Variants in CCDC66 observed in about 807,000 individuals in gnomAD.
CCDC66 encodes the protein coiled-coil domain-containing protein 66.
In CCDC66, 133 loss-of-function variants were observed where a neutral mutation model predicts 128.3. The ratio of observed to expected loss-of-function variants is 1.04; its 90% CI spans 0.90 to 1.20. The LOEUF is 1.20. Ranked by LOEUF, CCDC66 falls within the 50% of genes most tolerant of loss-of-function variation. The pLI is 0.00. For synonymous variants in CCDC66, 387 were observed against 357.0 expected (o/e 1.08, Z -0.95); for missense variants, 1,126 against 1,075.5 (o/e 1.05, Z -0.66).
intron 7 of CCDC66, 74 bp downstream of exon 7, chr3:56,571,376 TAAA>T (rs34099535): frequency 7.1e-6 from 6 of 843,496 alleles, no homozygotes; most frequent in Non-Finnish European, 1.7e-6. Flanking sequence ...TAAAGCTTAT[TAAA>T]AAAAAAAAGT....
At chr3:56,589,899 C>T (rs1320364059) in intron 7 of CCDC66, among the ~76,000 whole-genome samples, 1 of 151,980 alleles carries the variant, frequency 6.6e-6, no homozygotes, top group African/African-American at 2.4e-5. Context: ...ACATGAGAAA[C>T]GGATTTTTAG....
chr3:56,561,885 CT>C (rs758324894), intron 3 of CCDC66, among the ~76,000 whole-genome samples: 3 of 151,270 alleles, frequency 2.0e-5, no homozygotes, highest in Non-Finnish European at 4.4e-5. Flanking sequence ...CTACAGGTCT[CT>C]TTTTTTTTCC....
chr3:56,617,504 AAT>A lies in CCDC66; in HGVS notation c.2237_2238del (p.Asn746ThrfsTer75). 6.2e-7 allele frequency: 1 copy of A among 1,614,006 alleles called. No individual in the cohort carries two copies. The highest frequency in any genetic ancestry group is 2.2e-5 in the East Asian group (1 of 44,850). The part of the protein sequence containing the change: ...MELLHLVEKN[N>X]PGHLSQNRGI... ...ATTGCTTCATTTGGTAGAAAAAAAT[AAT>A]CCTGGGCACCTCTCTCAAAACAGAG... On this transcript the variant is annotated frameshift_variant, in exon 14 of 18. Coordinates refer to ENST00000394672, the MANE Select transcript of CCDC66 (RefSeq NM_001141947.3). LOFTEE classifies it high-confidence loss of function.
intron 10 of CCDC66, among the ~76,000 whole-genome samples, chr3:56,599,466 CT>C (rs1371913755): frequency 6.6e-6 from 1 of 151,784 alleles, no homozygotes; most frequent in African/African-American, 2.4e-5. Flanking sequence ...TTTCTAGTTC[CT>C]TTTAGGTACA....
At chr3:56,612,068 A>G (rs1040931583) in intron 10 of CCDC66, among the ~76,000 whole-genome samples, 4 of 152,182 alleles carry the variant, frequency 2.6e-5, no homozygotes, top group South Asian at 2.1e-4. Context: ...TGGAGCTGCA[A>G]TCTAGTCCTG....
At position 56,620,919 on chromosome 3, in the gene CCDC66, G is replaced by GAGGC. The variant is rs549571681; in HGVS notation, c.2761-606_2761-603dup. 809 of 152,766 alleles carry GAGGC rather than the reference G, an allele frequency of 5.3e-3. 11 individuals are homozygous for GAGGC. The highest frequency in any genetic ancestry group is 0.019 in the African/African-American group (779 of 41,554). The allele number at this position is 152,766 out of a possible 1,614,324, so 9.5% of individuals were successfully genotyped here. A position where few individuals can be genotyped will look rare whatever the true frequency, so the allele number is the denominator to read the frequency against. Reference sequence around the variant, plus strand: ...TGTAATCCCAGCACTTTGGGAGGCTGAGGCAGGCAGATCATGAGGTCAGGA... The same window carrying GAGGC: ...TGTAATCCCAGCACTTTGGGAGGCTGAGGCAGGCAGGCAGATCATGAGGTCAGGA... On this transcript the variant is annotated intron_variant, in intron 17 of 17. Transcript: ENST00000394672.
chr3:56,617,695 T>A lies in CCDC66; in HGVS notation c.2337+90T>A, dbSNP rs2075691830. The A allele has an allele frequency of 3.4e-6, 5 of 1,470,990 alleles. No homozygotes were observed. In the South Asian group the frequency reaches 4.2e-5, roughly 12 times the overall value. 91.1% of individuals were successfully genotyped at this position (1,470,990 alleles called of 1,614,324 possible). A position where few individuals can be genotyped will look rare whatever the true frequency, so the allele number is the denominator to read the frequency against. ...GTATGCTTTGGTAAGGCTGTTCTGA[T>A]CTGTTTCAGTTTACATTAGGGATCA... On this transcript the variant is annotated intron_variant, in intron 14 of 17. Transcript: ENST00000394672.
rs71309962 is a variant in CCDC66, at chr3:56,563,665, G to A, written c.103-19G>A. ...TTTCTTGGACAGTTATAAAGAATAA[G>A]CTTCTGGTGTTTTAACAGATGGGAA... On this transcript the variant is annotated intron_variant, in intron 3 of 17. Coordinates refer to ENST00000394672, the MANE Select transcript of CCDC66 (RefSeq NM_001141947.3). 8.5e-6 allele frequency: 13 copies of A among 1,522,194 alleles called. No homozygotes were observed. Among genetic ancestry groups the A allele is most frequent in the Non-Finnish European group, 1.1e-5 (13 of 1,131,216 alleles). 94.3% of individuals were successfully genotyped at this position (1,522,194 alleles called of 1,614,324 possible).
At chr3:56,604,160 C>T (rs6785479) in intron 10 of CCDC66, among the ~76,000 whole-genome samples, 47,916 of 151,828 alleles carry the variant, frequency 0.32, 8,094 homozygotes, top group East Asian at 0.48. Flanking sequence ...TATTTTGAGC[C>T]TATGTGTGTC....
intron 10 of CCDC66, 120 bp downstream of exon 10, chr3:56,594,148 TG>T: frequency 2.3e-6 from 2 of 875,024 alleles, no homozygotes; most frequent in Non-Finnish European, 3.7e-6. Context: ...CCTGTCCAGT[TG>T]TGTCACGAAT....
rs144011528 is a variant in CCDC66 at position 56,617,162 on chromosome 3, T to C, written c.1894T>C (p.Leu632=). Residue 632 remains leucine (L), a synonymous_variant, in exon 14 of 18, where the codon TTA becomes CTA. Coordinates refer to ENST00000394672, the MANE Select transcript of CCDC66 (RefSeq NM_001141947.3). Reference sequence around the variant, plus strand: ...CAATGCAGAATCACATTGTGGATCATTAATGGAGAGGGACATCACAAATTG... The same window carrying C: ...CAATGCAGAATCACATTGTGGATCACTAATGGAGAGGGACATCACAAATTG... ...FTNAESHCGS[L]MERDITNCSS... 1.1e-5 allele frequency: 18 copies of C among 1,608,856 alleles called. No individual in the cohort carries two copies. In the Admixed American group the frequency reaches 1.4e-4, roughly 12 times the overall value.
At position 56,621,581 on chromosome 3, in the gene CCDC66, C is replaced by T. The variant is rs775899143; in HGVS notation, c.2810C>T (p.Ala937Val). 2.1e-5 allele frequency: 34 copies of T among 1,601,056 alleles called. No individual in the cohort carries two copies. The highest frequency in any genetic ancestry group is 2.9e-5 in the Non-Finnish European group (34 of 1,174,356). The change falls in exon 18 of 18, where the codon GCT (alanine) becomes GTT (valine). Residue 937 changes from alanine to valine, a missense_variant. By Grantham distance (64) the Ala-to-Val change is moderately conservative. Coordinates refer to ENST00000394672, the MANE Select transcript of CCDC66 (RefSeq NM_001141947.3). Reference protein sequence around the residue: ...KELESSLLPLAENQEESFGSS... With the variant: ...KELESSLLPLVENQEESFGSS... ...TTGGAAAGTAGTCTCCTGCCTTTAG[C>T]TGAAAATCAAGAAGAGAGTTTTGGT...
chr3:56,617,442 A>G lies in CCDC66; in HGVS notation c.2174A>G (p.Lys725Arg). ...GAAAAGTACCCTAAACAGCTTCAAA[A>G]GCAGAGAGAAGAAAAAAAAGTAAGG... ...ASEKYPKQLQ[K>R]QREEKKVRRQ... The change falls in exon 14 of 18, where the codon AAG (lysine) becomes AGG (arginine). Residue 725 changes from lysine (K) to arginine (R), a missense_variant. Lys to Arg is a conservative substitution (Grantham distance 26). Transcript: ENST00000394672. 2 of 1,614,096 alleles carry G rather than the reference A, an allele frequency of 1.2e-6. No homozygotes were observed. The highest frequency in any genetic ancestry group is 1.7e-6 in the Non-Finnish European group (2 of 1,180,002).
chr3:56,571,261 A>C lies in CCDC66; in HGVS notation c.895A>C (p.Lys299Gln). ...TCCTTGGAAAAAATCTGAAAGTGATAAAATAATATGGGAAAAACATCAAAT... is the reference window on the plus strand; with the variant it reads ...TCCTTGGAAAAAATCTGAAAGTGATCAAATAATATGGGAAAAACATCAAAT... Reference protein sequence around the residue: ...NDPWKKSESDKIIWEKHQILD... With the variant: ...NDPWKKSESDQIIWEKHQILD... Residue 299 changes from lysine to glutamine, a missense_variant, in exon 7 of 18, where the codon AAA becomes CAA. Physicochemically the swap from Lys to Gln is moderately conservative, Grantham distance 53 (BLOSUM62 1). Transcript: ENST00000394672. The C allele has an allele frequency of 1.3e-6, 2 of 1,545,444 alleles. No homozygotes were observed. The highest frequency in any genetic ancestry group is 1.7e-4 in the Middle Eastern group (1 of 5,912).
Position 56,619,262 on chromosome 3 carries a change from T to A in CCDC66, c.2379-9T>A, listed in dbSNP as rs750710670. 8 of 1,553,942 alleles carry A rather than the reference T, an allele frequency of 5.1e-6. No individual in the cohort carries two copies. In the Admixed American group the frequency reaches 1.7e-4, roughly 33 times the overall value. On this transcript the variant is annotated splice_polypyrimidine_tract_variant and intron_variant, in intron 15 of 17. Coordinates refer to ENST00000394672, the MANE Select transcript of CCDC66 (RefSeq NM_001141947.3). ...ATACACAATTTTTTACTATTTTTTT[T>A]TTAAATAGGTCTCCATCATCACCAG... is the stretch of plus-strand genomic sequence containing the variant.
intron 7 of CCDC66, among the ~76,000 whole-genome samples, chr3:56,577,531 G>GT (rs1425802598): frequency 6.6e-6 from 1 of 151,778 alleles, no homozygotes; most frequent in Non-Finnish European, 1.5e-5. Flanking sequence ...TACTTCTAGG[G>GT]TTTTTATGGT....
chr3:56,610,540 A>C (rs994476488), intron 10 of CCDC66, among the ~76,000 whole-genome samples: 2 of 152,202 alleles, frequency 1.3e-5, no homozygotes, highest in African/African-American at 4.8e-5. Context: ...GATTAGCATA[A>C]TAACTAACCT....
chr3:56,620,753 G>C (rs1232577126), intron 17 of CCDC66: 5 of 152,314 alleles, frequency 3.3e-5, no homozygotes, highest in African/African-American at 9.6e-5. Context: ...GAGATAAAGA[G>C]GAAGGAATAG....
At chr3:56,606,447 CTG>C (rs1384349153) in intron 10 of CCDC66, among the ~76,000 whole-genome samples, 1 of 152,086 alleles carries the variant, frequency 6.6e-6, no homozygotes, top group Non-Finnish European at 1.5e-5. Flanking sequence ...GTGGCGAAGA[CTG>C]TGGGAAAAGC....
Sources: gnomAD v4.1 joint callset for allele counts (sites outside exome capture counted in the v4.1 genomes callset) on GRCh38, gnomAD v4.1.1 for gene constraint, MANE v1.5 for transcripts, NCBI Gene and HGNC (gene_info 2026-07-23, HGNC 2026-07-21) for gene names.